Variants in IL22RA2 observed in about 807,000 individuals in gnomAD.
IL22RA2 encodes interleukin 22 receptor subunit alpha 2.
In IL22RA2, 39 loss-of-function variants were observed where a neutral mutation model predicts 30.7. That is an observed-to-expected ratio of 1.27 (90% CI 0.98 to 1.66). The LOEUF (loss-of-function observed/expected upper bound fraction) is 1.66, where lower values mean the gene tolerates loss of function less well. IL22RA2 is among the 40% of genes most tolerant of loss of function. The probability of loss-of-function intolerance (pLI) is 0.00; values close to 1 mark genes in which losing one functional copy is unlikely to be tolerated. For synonymous variants in IL22RA2, 103 were observed against 105.0 expected (o/e 0.98, Z 0.11); for missense variants, 315 against 312.7 (o/e 1.01, Z -0.05).
At chr6:137,152,880 T>A (rs1424335331) in intron 5 of IL22RA2, among the ~76,000 whole-genome samples, 1 of 152,144 alleles carries the variant, frequency 6.6e-6, no homozygotes, top group Admixed American at 6.5e-5. Context: ...TGGTCTGACC[T>A]GCAGAGTGTC....
At chr6:137,154,245 A>C (rs1778350973) in intron 5 of IL22RA2, among the ~76,000 whole-genome samples, 1 of 152,154 alleles carries the variant, frequency 6.6e-6, no homozygotes, top group Admixed American at 6.5e-5. Flanking sequence ...AAATTCCTGT[A>C]ATCAGTATTT....
chr6:137,169,908 G>T lies in IL22RA2; in HGVS notation c.-66+3505C>A, dbSNP rs189931544. Among the ~76,000 whole-genome samples, 18 of 152,350 alleles carry T rather than the reference G, an allele frequency of 1.2e-4. No homozygotes were observed. In the East Asian group the frequency reaches 3.3e-3, roughly 28 times the overall value. On this transcript the variant is annotated intron_variant, in intron 1 of 6. Transcript: ENST00000296980. ...AAGCTGTCATGGAAATCACTGCCAG[G>T]ATGCGGAAGTTAGCTCATGTTCTGG...
At position 137,161,750 on chromosome 6, in the gene IL22RA2, G is replaced by T; in HGVS notation, c.-1C>A. On this transcript the variant is annotated 5_prime_UTR_variant, in exon 2 of 7. Coordinates refer to ENST00000296980, the MANE Select transcript of IL22RA2 (RefSeq NM_052962.3). ...CTAGAAAGCAATGTTTAGGCATCAT[G>T]GTTGCAAGTGTGACTGTTCAGGCAA... 6.2e-7 allele frequency: 1 copy of T among 1,613,054 alleles called. No homozygotes were observed. Among genetic ancestry groups the T allele is most frequent in the Non-Finnish European group, 8.5e-7 (1 of 1,179,300 alleles).
intron 2 of IL22RA2, among the ~76,000 whole-genome samples, chr6:137,158,845 T>A (rs1270422879): frequency 2.0e-5 from 3 of 152,206 alleles, no homozygotes; most frequent in African/African-American, 7.2e-5. Context: ...ACCAACCATC[T>A]TCTTAGGAAT....
At chr6:137,162,955 G>A (rs560716595) in intron 1 of IL22RA2, among the ~76,000 whole-genome samples, 77 of 152,160 alleles carry the variant, frequency 5.1e-4, no homozygotes, top group Non-Finnish European at 5.0e-4. Context: ...TCCTCTTAAA[G>A]TTGCTGCAAA....
At chr6:137,160,925 C>T (rs1008606574) in intron 2 of IL22RA2, among the ~76,000 whole-genome samples, 1 of 152,294 alleles carries the variant, frequency 6.6e-6, no homozygotes, top group Admixed American at 6.5e-5. Context: ...GCTTGAATTG[C>T]TTTTATGTAT....
At chr6:137,172,533 T>C (rs1778761106) in intron 1 of IL22RA2, among the ~76,000 whole-genome samples, 1 of 152,250 alleles carries the variant, frequency 6.6e-6, no homozygotes, top group Non-Finnish European at 1.5e-5. Context: ...ACAGAATTGT[T>C]TCAAATGAAA....
intron 4 of IL22RA2, among the ~76,000 whole-genome samples, chr6:137,155,814 CT>C (rs1173546634): frequency 4.0e-5 from 6 of 151,898 alleles, no homozygotes; most frequent in Non-Finnish European, 7.4e-5. Context: ...GGGTTTTAAC[CT>C]TTTTTTTAAT....
At chr6:137,148,610 C>T (rs904808919) in intron 5 of IL22RA2, among the ~76,000 whole-genome samples, 1 of 152,084 alleles carries the variant, frequency 6.6e-6, no homozygotes, top group Admixed American at 6.5e-5. Context: ...GTTTTGGCCC[C>T]CAAGGATTCC....
chr6:137,158,598 C>T, intron 2 of IL22RA2, 116 bp from the exon 3 acceptor site: 1 of 1,034,012 alleles, frequency 9.7e-7, no homozygotes, highest in Non-Finnish European at 1.4e-6. Flanking sequence ...GCTCTAAGTG[C>T]AGATAGTAGA....
chr6:137,149,505 G>C (rs1314490920), intron 5 of IL22RA2, among the ~76,000 whole-genome samples: 1 of 152,036 alleles, frequency 6.6e-6, no homozygotes, highest in Non-Finnish European at 1.5e-5. Flanking sequence ...CATTATATCC[G>C]ATCTATCACC....
chr6:137,154,807 G>T, intron 5 of IL22RA2, 134 bp downstream of exon 5: 1 of 699,706 alleles, frequency 1.4e-6, no homozygotes. Context: ...TCCTAGAGTT[G>T]TTCTGACAAT....
At chr6:137,156,218 T>C (rs971301960) in intron 4 of IL22RA2, among the ~76,000 whole-genome samples, 5 of 152,290 alleles carry the variant, frequency 3.3e-5, no homozygotes, top group East Asian at 1.9e-4. Context: ...TTTCCTTACC[T>C]GCCATAAATC....
At chr6:137,164,820 C>A (rs182934697) in intron 1 of IL22RA2, among the ~76,000 whole-genome samples, 3 of 152,218 alleles carry the variant, frequency 2.0e-5, no homozygotes, top group African/African-American at 7.2e-5. Context: ...GGGAGAACAG[C>A]TCTTCTTTTA....
intron 1 of IL22RA2, among the ~76,000 whole-genome samples, chr6:137,163,120 A>G (rs28385691): frequency 0.035 from 5,297 of 152,304 alleles, 110 homozygotes; most frequent in Middle Eastern, 0.085. Context: ...GGGTCACAAG[A>G]CTGATAAGTT....
chr6:137,160,193 A>G (rs140679699), intron 2 of IL22RA2, among the ~76,000 whole-genome samples: 1 of 152,350 alleles, frequency 6.6e-6, no homozygotes, highest in East Asian at 1.9e-4. Context: ...TAACATGAAG[A>G]TAGATGGCTT....
rs373391777 is a variant in IL22RA2, at chr6:137,156,804, C to G, written c.248G>C (p.Trp83Ser). 6.9e-5 allele frequency: 112 copies of G among 1,613,698 alleles called. No homozygotes were observed. Among genetic ancestry groups the G allele is most frequent in the Admixed American group, 2.3e-4 (14 of 59,992 alleles). Residue 83 changes from tryptophan to serine, a missense_variant, in exon 4 of 7, where the codon TGG (tryptophan) becomes TCG (serine). Transcript: ENST00000296980. ...TGGGAAGTTACAAGAAATGTGCTGC[C>G]AGCATCCACTTGGCTTCTGGTGAGA... ...KSSHQKPSGCWQHISCNFPGC... is the reference protein window; with the variant it reads ...KSSHQKPSGCSQHISCNFPGC...
chr6:137,173,302 G>A (rs1282089507), intron 1 of IL22RA2, 111 bp downstream of exon 1: 3 of 152,238 alleles, frequency 2.0e-5, no homozygotes, highest in Non-Finnish European at 2.9e-5. Context: ...GAGTCAAGGA[G>A]GTGAGGTTTG....
At chr6:137,168,684 A>G (rs1459268139) in intron 1 of IL22RA2, among the ~76,000 whole-genome samples, 1 of 152,192 alleles carries the variant, frequency 6.6e-6, no homozygotes, top group East Asian at 1.9e-4. Flanking sequence ...GATAGGGTAC[A>G]CAACTGGAAC....
Sources: allele counts gnomAD v4.1 joint callset (sites outside exome capture counted in the v4.1 genomes callset), GRCh38; gene constraint gnomAD v4.1.1; transcripts MANE v1.5; gene names NCBI Gene and HGNC (gene_info 2026-07-23, HGNC 2026-07-21).